The following EIF4G3 variants were observed in gnomAD, a reference collection of about 807,000 sequenced individuals.
EIF4G3 encodes eIF-4-gamma 3.
A neutral mutation model predicts 186.4 loss-of-function variants in EIF4G3; 34 were observed. That is an observed-to-expected ratio of 0.18 (90% confidence interval 0.14 to 0.24). EIF4G3 has a LOEUF of 0.24. EIF4G3 is among the 10% of genes least tolerant of loss of function. EIF4G3 has a pLI of 1.00. For missense variants in EIF4G3, 1,536 were observed against 1,948.5 expected, an observed-to-expected ratio of 0.79 and a Z score of 3.99; for synonymous variants, 673 against 679.5, an observed-to-expected ratio of 0.99 and a Z score of 0.15.
intron 2 of EIF4G3, among the ~76,000 whole-genome samples, chr1:21,094,530 C>G (rs1018701936): frequency 2.0e-5 from 3 of 149,798 alleles, no homozygotes; most frequent in African/African-American, 7.4e-5. Flanking sequence ...GACAGAAAAC[C>G]AAACACCACA....
intron 23 of EIF4G3, 83 bp downstream of exon 23, chr1:20,862,145 A>C: frequency 1.2e-6 from 1 of 825,314 alleles, no homozygotes; most frequent in East Asian, 2.6e-5. Context: ...TTACACATGT[A>C]AACAACAGGA....
At chr1:20,921,505 T>A (rs1224540229) in intron 14 of EIF4G3, among the ~76,000 whole-genome samples, 3 of 152,198 alleles carry the variant, frequency 2.0e-5, no homozygotes, top group Non-Finnish European at 4.4e-5. Context: ...CAAACCATGA[T>A]TTTAAGGTCA....
intron 4 of EIF4G3, among the ~76,000 whole-genome samples, chr1:21,038,396 T>G (rs753237434): frequency 2.0e-5 from 3 of 152,198 alleles, no homozygotes; most frequent in Non-Finnish European, 4.4e-5. Context: ...CACTTCCTAC[T>G]TCAATGGCTG....
At chr1:21,073,379 C>A (rs1255714531) in intron 3 of EIF4G3, among the ~76,000 whole-genome samples, 1 of 152,122 alleles carries the variant, frequency 6.6e-6, no homozygotes, top group African/African-American at 2.4e-5. Flanking sequence ...TCCTTAATTG[C>A]ATTAACCACG....
chr1:21,100,759 CACAA>C (rs2096498005), intron 2 of EIF4G3, among the ~76,000 whole-genome samples: 1 of 152,136 alleles, frequency 6.6e-6, no homozygotes, highest in South Asian at 2.1e-4. Context: ...TGCGAATCTA[CACAA>C]ACAAAGAGAA....
intron 7 of EIF4G3, among the ~76,000 whole-genome samples, chr1:20,993,490 A>AT (rs2081574685): frequency 6.6e-6 from 1 of 152,102 alleles, no homozygotes; most frequent in African/African-American, 2.4e-5. Flanking sequence ...AAATAATTGT[A>AT]TTTTTTCTTT....
intron 3 of EIF4G3, among the ~76,000 whole-genome samples, chr1:21,052,357 G>A (rs2094270610): frequency 6.6e-6 from 1 of 152,186 alleles, no homozygotes. Context: ...TAAAATGAAA[G>A]AAGTCATTCT....
intron 2 of EIF4G3, among the ~76,000 whole-genome samples, chr1:21,150,573 A>C (rs1347910704): frequency 6.6e-6 from 1 of 152,148 alleles, no homozygotes; most frequent in African/African-American, 2.4e-5. Flanking sequence ...ATTCCTCTTC[A>C]CTCTCTTAAA....
chr1:21,086,055 G>C (rs916143495), intron 3 of EIF4G3, among the ~76,000 whole-genome samples: 5 of 152,058 alleles, frequency 3.3e-5, no homozygotes, highest in African/African-American at 1.2e-4. Context: ...GGTTCCTAAT[G>C]ATTAGGGTGA....
chr1:21,092,350 C>G (rs1258335495), intron 2 of EIF4G3, among the ~76,000 whole-genome samples: 1 of 152,126 alleles, frequency 6.6e-6, no homozygotes, highest in African/African-American at 2.4e-5. Flanking sequence ...CCCACTTGGT[C>G]ACTGTGGATA....
At chr1:20,889,089 G>A (rs1056069689) in intron 18 of EIF4G3, among the ~76,000 whole-genome samples, 3 of 152,112 alleles carry the variant, frequency 2.0e-5, no homozygotes, top group Admixed American at 6.5e-5. Context: ...TTCAGGTGAC[G>A]TTAAAGTTTG....
At chr1:20,895,636 G>GTTGTATATGCAGTTGTAT in intron 16 of EIF4G3, 135 bp from the exon 17 acceptor site, 5 of 956,544 alleles carry the variant, frequency 5.2e-6, no homozygotes, top group South Asian at 4.2e-5. Flanking sequence ...AGGCTATAAT[G>GTTGTATATGCAGTTGTAT]AAGCTGAAAG....
chr1:21,108,643 C>T (rs1292312645), intron 2 of EIF4G3, among the ~76,000 whole-genome samples: 1 of 141,788 alleles, frequency 7.1e-6, no homozygotes, highest in African/African-American at 2.6e-5. Flanking sequence ...GTGGCTGACA[C>T]CTGTAATCCC....
intron 34 of EIF4G3, among the ~76,000 whole-genome samples, 160 bp from the exon 35 acceptor site, chr1:20,813,399 A>C (rs1365234582): frequency 1.1e-4 from 1 of 9,500 alleles, no homozygotes. Flanking sequence ...CCTATCTCTT[A>C]AAAAAAAAAA....
chr1:20,814,237 AT>A (rs2059894452), intron 34 of EIF4G3, among the ~76,000 whole-genome samples: 1 of 152,170 alleles, frequency 6.6e-6, no homozygotes, highest in Non-Finnish European at 1.5e-5. Context: ...AAGTGCTGGG[AT>A]TACAGGCATG....
intron 3 of EIF4G3, among the ~76,000 whole-genome samples, chr1:21,069,216 A>C (rs189318282): frequency 1.3e-5 from 2 of 152,250 alleles, no homozygotes; most frequent in African/African-American, 4.8e-5. Flanking sequence ...CCTACATTTT[A>C]TGGCTTCTTA....
intron 17 of EIF4G3, 56 bp downstream of exon 17, chr1:20,895,312 T>C (rs187550773): frequency 5.1e-6 from 8 of 1,561,886 alleles, no homozygotes; most frequent in African/African-American, 2.7e-5. Flanking sequence ...TTTGCTCTTA[T>C]AGTTAAAATC....
intron 13 of EIF4G3, among the ~76,000 whole-genome samples, chr1:20,942,583 T>A (rs2154562446): frequency 6.6e-6 from 1 of 152,252 alleles, no homozygotes; most frequent in East Asian, 1.9e-4. Context: ...AAATTATATA[T>A]CAAGAATACA....
rs1460258804 is a variant in EIF4G3 at position 20,866,752 on chromosome 1, C to T, written c.2623-1490G>A. ...GCAGGTTGGCATACAAGAGCACCAA[C>T]ATGACATTAGATTTTAGAACTAAAG... On this transcript the variant is annotated intron_variant, in intron 20 of 36. Coordinates refer to ENST00000602326, the MANE Select transcript of EIF4G3 (RefSeq NM_001391906.1). Among the ~76,000 whole-genome samples the T allele has an allele frequency of 3.9e-5, 6 of 152,158 alleles. No homozygotes were observed. The East Asian group carries it at 7.7e-4, about 20-fold the overall frequency.
Sources: allele counts gnomAD v4.1 joint callset (sites outside exome capture counted in the v4.1 genomes callset), GRCh38; gene constraint gnomAD v4.1.1; transcripts MANE v1.5; gene names NCBI Gene and HGNC (gene_info 2026-07-23, HGNC 2026-07-21).